The following CAMKMT variants were observed in gnomAD, a reference collection of about 807,000 sequenced individuals.
CAMKMT encodes calmodulin-lysine N-methyltransferase, also known as CaM KMT.
In CAMKMT, 53 loss-of-function variants were observed where a neutral mutation model predicts 48.0. The ratio of observed to expected loss-of-function variants is 1.10; its 90% CI spans 0.89 to 1.39. CAMKMT has a LOEUF of 1.39. CAMKMT is among the 40% of genes most tolerant of loss of function. The pLI, the probability that CAMKMT is intolerant of heterozygous loss-of-function variation, is 0.00. For synonymous variants in CAMKMT, 165 were observed against 152.3 expected, an observed-to-expected ratio of 1.08 and a Z score of -0.61; for missense variants, 428 against 402.7, an observed-to-expected ratio of 1.06 and a Z score of -0.54.
chr2:44,459,399 TA>T (rs1160979821), intron 3 of CAMKMT, among the ~76,000 whole-genome samples: 1 of 152,210 alleles, frequency 6.6e-6, no homozygotes. Flanking sequence ...CTGGTTGTTA[TA>T]GATTGTTGTT....
rs552585708 is a variant in CAMKMT at position 44,711,378 on chromosome 2, C to T, written c.557-3909C>T. ...TATCCTTGTGGGGCACAGATTTTGC[C>T]TTGGCTAGAATACATTTATATACAT... On this transcript the variant is annotated intron_variant, in intron 6 of 10. Coordinates refer to ENST00000378494, the MANE Select transcript of CAMKMT (RefSeq NM_024766.5). Among the ~76,000 whole-genome samples the T allele has an allele frequency of 4.1e-4, 62 of 152,300 alleles. 1 individual carries two copies. In the South Asian group the frequency reaches 0.012, roughly 31 times the overall value.
At chr2:44,754,945 G>T (rs913121164) in intron 9 of CAMKMT, among the ~76,000 whole-genome samples, 2 of 151,994 alleles carry the variant, frequency 1.3e-5, no homozygotes, top group African/African-American at 2.4e-5. Context: ...AGATAGGAAC[G>T]CATATTTATC....
At chr2:44,666,600 G>A (rs1394156313) in intron 3 of CAMKMT, among the ~76,000 whole-genome samples, 5 of 147,402 alleles carry the variant, frequency 3.4e-5, no homozygotes, top group Non-Finnish European at 5.9e-5. Context: ...ATCTCCTTTT[G>A]GCTCCTGGAA....
At chr2:44,746,323 C>A (rs1047283618) in intron 8 of CAMKMT, among the ~76,000 whole-genome samples, 2 of 152,208 alleles carry the variant, frequency 1.3e-5, no homozygotes, top group Non-Finnish European at 2.9e-5. Flanking sequence ...CTATTCCAAA[C>A]CCACATTGTG....
chr2:44,687,403 T>C (rs1467300493), intron 3 of CAMKMT, among the ~76,000 whole-genome samples: 5 of 152,204 alleles, frequency 3.3e-5, no homozygotes, highest in Non-Finnish European at 7.3e-5. Context: ...GTGCAACATA[T>C]AGTAAGGATT....
chr2:44,700,485 C>T (rs868452883), intron 3 of CAMKMT, among the ~76,000 whole-genome samples: 1 of 152,166 alleles, frequency 6.6e-6, no homozygotes, highest in Admixed American at 6.5e-5. Context: ...AGACATGCAA[C>T]TATTCCTTTC....
At chr2:44,555,724 C>A (rs12614948) in intron 3 of CAMKMT, among the ~76,000 whole-genome samples, 2,022 of 152,166 alleles carry the variant, frequency 0.013, 43 homozygotes, top group East Asian at 0.1. Context: ...GGTATATAGA[C>A]TGAAACAGAC....
chr2:44,385,512 T>A (rs182857695), intron 2 of CAMKMT, among the ~76,000 whole-genome samples: 1 of 152,282 alleles, frequency 6.6e-6, no homozygotes, highest in Non-Finnish European at 1.5e-5. Context: ...AGTACTATGT[T>A]GAAGAGCAGT....
chr2:44,454,801 A>G (rs1390904352), intron 3 of CAMKMT, among the ~76,000 whole-genome samples: 1 of 152,188 alleles, frequency 6.6e-6, no homozygotes, highest in African/African-American at 2.4e-5. Flanking sequence ...GTATTGTATC[A>G]GTGAATCAAA....
chr2:44,392,823 T>C (rs1312211146), intron 3 of CAMKMT, among the ~76,000 whole-genome samples: 2 of 152,044 alleles, frequency 1.3e-5, no homozygotes, highest in Non-Finnish European at 2.9e-5. Flanking sequence ...GAAAGTTCCA[T>C]ACAAGAGTAT....
chr2:44,608,607 C>T (rs1671431128), intron 3 of CAMKMT, among the ~76,000 whole-genome samples: 1 of 152,058 alleles, frequency 6.6e-6, no homozygotes, highest in South Asian at 2.1e-4. Context: ...TTTCTTCATA[C>T]CATCAAATAT....
At chr2:44,710,619 T>A (rs1462993433) in intron 6 of CAMKMT, among the ~76,000 whole-genome samples, 3 of 105,670 alleles carry the variant, frequency 2.8e-5, no homozygotes, top group African/African-American at 8.8e-5. Flanking sequence ...GTTCCTTTTC[T>A]TTTTTTTTTG....
At chr2:44,453,698 G>C (rs967126488) in intron 3 of CAMKMT, among the ~76,000 whole-genome samples, 3 of 152,020 alleles carry the variant, frequency 2.0e-5, no homozygotes, top group African/African-American at 7.2e-5. Context: ...ATTTTGTGGA[G>C]AGGGGCAGAT....
At chr2:44,532,147 C>T (rs908780684) in intron 3 of CAMKMT, among the ~76,000 whole-genome samples, 7 of 152,018 alleles carry the variant, frequency 4.6e-5, no homozygotes, top group African/African-American at 1.2e-4. Flanking sequence ...TTAATCTAGT[C>T]GTTATTAAAA....
chr2:44,652,900 A>T (rs1290008880), intron 3 of CAMKMT, among the ~76,000 whole-genome samples: 2 of 152,214 alleles, frequency 1.3e-5, no homozygotes, highest in Non-Finnish European at 2.9e-5. Context: ...AGTGTGGATT[A>T]TCCAGGCCAT....
chr2:44,575,840 C>T (rs762979500), intron 3 of CAMKMT, among the ~76,000 whole-genome samples: 3 of 151,494 alleles, frequency 2.0e-5, no homozygotes, highest in Non-Finnish European at 4.4e-5. Context: ...GTCTCGGTGA[C>T]GGTGAGACCC....
chr2:44,362,094 G>A lies in CAMKMT; in HGVS notation c.87G>A (p.Gly29=). The part of the protein sequence containing the change: ...GSPAVGCTTR[G]PVVSAPLGAA... Reference sequence around the variant, plus strand: ...CGGCAGTTGGCTGCACCACTCGGGGGCCCGTAGTCTCGGCGCCCCTGGGAG... The same window carrying A: ...CGGCAGTTGGCTGCACCACTCGGGGACCCGTAGTCTCGGCGCCCCTGGGAG... The change falls in exon 1 of 11, where the codon GGG becomes GGA. Residue 29 remains glycine, a synonymous_variant. Transcript: ENST00000378494. 2 of 1,463,928 alleles carry A rather than the reference G, an allele frequency of 1.4e-6. No homozygotes were observed. Among genetic ancestry groups the A allele is most frequent in the Non-Finnish European group, 1.8e-6 (2 of 1,118,726 alleles). The allele number at this position is 1,463,928 out of a possible 1,614,324, so 90.7% of individuals were successfully genotyped here. A position where few individuals can be genotyped will look rare whatever the true frequency, so the allele number is the denominator to read the frequency against.
intron 4 of CAMKMT, 111 bp from the exon 5 acceptor site, chr2:44,706,176 T>G: frequency 2.0e-6 from 2 of 1,000,834 alleles, no homozygotes; most frequent in Non-Finnish European, 3.1e-6. Flanking sequence ...TACAACTTCC[T>G]GGTAGCGCCG....
chr2:44,748,029 C>T (rs1679990108), intron 8 of CAMKMT, among the ~76,000 whole-genome samples: 1 of 152,220 alleles, frequency 6.6e-6, no homozygotes, highest in Non-Finnish European at 1.5e-5. Flanking sequence ...TAAGCTACTG[C>T]TGTTCTCTCA....
Sources: allele counts gnomAD v4.1 joint callset (sites outside exome capture counted in the v4.1 genomes callset), GRCh38; gene constraint gnomAD v4.1.1; transcripts MANE v1.5; gene names NCBI Gene and HGNC (gene_info 2026-07-23, HGNC 2026-07-21).